Variants in RGS19 observed in about 807,000 individuals in gnomAD.
The protein encoded by RGS19 is G alpha interacting protein.
In RGS19, 9 loss-of-function variants were observed where a neutral mutation model predicts 22.0. The observed-to-expected ratio is 0.41, with a 90% confidence interval of 0.25 to 0.71. RGS19 has a LOEUF of 0.71. Ranked by LOEUF, RGS19 falls within the 30% of genes least tolerant of loss-of-function variation. The pLI is 0.32. For missense variants in RGS19, 256 were observed against 307.1 expected, an observed-to-expected ratio of 0.83 and a Z score of 1.24; for synonymous variants, 130 against 127.3, an observed-to-expected ratio of 1.02 and a Z score of -0.14.
rs1336840138 is a variant in RGS19 at position 64,075,204 on chromosome 20, C to T, written c.153-663G>A. ...GGGCCACCCTGCTCCTGGGCCTGAT[C>T]TTGGCCTGTCCCTGTCCCACCGATG... is the stretch of plus-strand genomic sequence containing the variant. On this transcript the variant is annotated intron_variant, in intron 3 of 5. Transcript: ENST00000395042. This position sits in a 1 kb window ranked among gnomAD's most constrained non-coding sequence, Gnocchi z 4.6. 6.6e-6 allele frequency among the ~76,000 whole-genome samples: 1 copy of T among 152,196 alleles called. No individual in the cohort carries two copies. The highest frequency in any genetic ancestry group is 1.5e-5 in the Non-Finnish European group (1 of 68,026).
chr20:64,078,590 G>C (rs77765533), intron 1 of RGS19, among the ~76,000 whole-genome samples: 3,795 of 152,306 alleles, frequency 0.025, 135 homozygotes, highest in African/African-American at 0.086. Flanking sequence ...GCAGGGCCGG[G>C]GTGCTAGGGG....
At chr20:64,078,067 C>T (rs985720754) in intron 1 of RGS19, among the ~76,000 whole-genome samples, 26 of 145,546 alleles carry the variant, frequency 1.8e-4, no homozygotes, top group African/African-American at 6.3e-4. Context: ...TCCCCTAGCT[C>T]GTGGCCTTTG....
Position 64,074,343 on chromosome 20 carries a change from G to A in RGS19, c.263C>T (p.Ala88Val), listed in dbSNP as rs1410325368. ...GTGCATCAGCTTGTCAAAAGACTGC[G>A]CCCAGCTCTGCACCTCCTCAGGACT... ...TPSPEEVQSW[A>V]QSFDKLMHSP... Residue 88 changes from alanine to valine, a missense_variant, in exon 5 of 6, where the codon GCG becomes GTG. Physicochemically the swap from Ala to Val is moderately conservative, Grantham distance 64. Coordinates refer to ENST00000395042, the MANE Select transcript of RGS19 (RefSeq NM_005873.3). 1 of 1,611,630 alleles carries A rather than the reference G, an allele frequency of 6.2e-7. No homozygotes were observed. The highest frequency in any genetic ancestry group is 8.5e-7 in the Non-Finnish European group (1 of 1,179,702).
intron 2 of RGS19, 40 bp downstream of exon 2, chr20:64,076,817 C>G (rs1206942380): frequency 1.3e-6 from 2 of 1,578,270 alleles, no homozygotes; most frequent in Admixed American, 2.0e-5. Context: ...CCCACCCCAT[C>G]TCCCCCAGGG....
intron 2 of RGS19, 65 bp from the exon 3 acceptor site, chr20:64,076,711 C>G: frequency 6.5e-7 from 1 of 1,530,000 alleles, no homozygotes. Flanking sequence ...ACCTCTCCCC[C>G]ACCTTCCCAT....
intron 3 of RGS19, among the ~76,000 whole-genome samples, 189 bp from the exon 4 acceptor site, chr20:64,074,730 C>CT (rs934853526): frequency 6.6e-6 from 1 of 152,360 alleles, no homozygotes; most frequent in African/African-American, 2.4e-5. Context: ...TTCCCACACT[C>CT]TCCCACACTC....
At chr20:64,078,112 C>T (rs1393272881) in intron 1 of RGS19, among the ~76,000 whole-genome samples, 7 of 152,246 alleles carry the variant, frequency 4.6e-5, no homozygotes, top group African/African-American at 1.7e-4. Context: ...TTCTCTTGGC[C>T]TCCTGGGACG....
In RGS19 at chr20:64,074,168, G is replaced by C; in HGVS notation, c.438C>G (p.Tyr146Ter). The C allele has an allele frequency of 6.2e-7, 1 of 1,613,966 alleles. No homozygotes were observed. The highest frequency in any genetic ancestry group is 8.5e-7 in the Non-Finnish European group (1 of 1,179,938). Reference protein sequence around the residue: ...DEKARLIYEDYVSILSPKEVS... With the variant: ...DEKARLIYED ...CCTCCTTGGGGGACAGGATGGATAC[G>C]TAGTCCTCGTAGATGAGCCTCGCCT... The change falls in exon 5 of 6, where the codon TAC (tyrosine) becomes TAG (stop). Residue 146 changes from tyrosine to a stop codon, truncating the protein, a stop_gained. Transcript: ENST00000395042. LOFTEE classifies it high-confidence loss of function.
At position 64,074,511 on chromosome 20, in the gene RGS19, G is replaced by C; in HGVS notation, c.183C>G (p.Ala61=). ...WNQERRRAWQ[A]SRESKLQPLP... is the part of the protein sequence containing the mutation. ...GGGGCTGCAGCTTGCTCTCCCGGGA[G>C]GCCTGCCACGCGCGCCGCCGCTCTT... The change falls in exon 4 of 6, where the codon GCC becomes GCG. Residue 61 remains alanine (A), a synonymous_variant. Transcript: ENST00000395042. The C allele has an allele frequency of 6.3e-7, 1 of 1,575,858 alleles. No individual in the cohort carries two copies. Among genetic ancestry groups the C allele is most frequent in the Non-Finnish European group, 8.6e-7 (1 of 1,161,750 alleles).
chr20:64,075,871 T>G lies in RGS19; in HGVS notation c.152+654A>C, dbSNP rs1168503736. Among the ~76,000 whole-genome samples, 1 of 128,586 alleles carries G rather than the reference T, an allele frequency of 7.8e-6. No homozygotes were observed. The highest frequency in any genetic ancestry group is 3.0e-5 in the African/African-American group (1 of 33,888). 84.4% of individuals were successfully genotyped at this position (128,586 alleles called of 152,430 possible). ...CACTGTATGGGGTCTGTGCCTGTCT[T>G]TCTTTCTTTCTTTCTTTTTTTTTTT... On this transcript the variant is annotated intron_variant, in intron 3 of 5. Coordinates refer to ENST00000395042, the MANE Select transcript of RGS19 (RefSeq NM_005873.3). The surrounding 1 kb of genome is among the most constrained non-coding windows in gnomAD (Gnocchi z 4.6).
rs927562028 is a variant in RGS19 at position 64,075,728 on chromosome 20, C to T, written c.152+797G>A. Among the ~76,000 whole-genome samples, 4 of 152,172 alleles carry T rather than the reference C, an allele frequency of 2.6e-5. No individual in the cohort carries two copies. The highest frequency in any genetic ancestry group is 4.1e-4 in the South Asian group (2 of 4,832). ...TCACAGGGATGCCCAGAGACGTCCCCGCCACCGCCCCCTGCTCTTCTTCCC... is the reference window on the plus strand; with the variant it reads ...TCACAGGGATGCCCAGAGACGTCCCTGCCACCGCCCCCTGCTCTTCTTCCC... On this transcript the variant is annotated intron_variant, in intron 3 of 5. Coordinates refer to ENST00000395042, the MANE Select transcript of RGS19 (RefSeq NM_005873.3). This position sits in a 1 kb window ranked among gnomAD's most constrained non-coding sequence, Gnocchi z 4.6.
At position 64,076,894 on chromosome 20, in the gene RGS19, C is replaced by T. The variant is rs529753313; in HGVS notation, c.-8G>A. ...CTCATGCGGGGTGGGCATGGGTGGG[C>T]GGAGGAGGTTGCCCAGGCTCCGTGG... On this transcript the variant is annotated 5_prime_UTR_variant, in exon 2 of 6. Transcript: ENST00000395042. 8 of 1,525,786 alleles carry T rather than the reference C, an allele frequency of 5.2e-6. No individual in the cohort carries two copies. The highest frequency in any genetic ancestry group is 1.4e-5 in the African/African-American group (1 of 70,762). 94.5% of individuals were successfully genotyped at this position (1,525,786 alleles called of 1,614,324 possible). A position where few individuals can be genotyped will look rare whatever the true frequency, so the allele number is the denominator to read the frequency against.
Position 64,073,993 on chromosome 20 carries a change from G to C in RGS19, c.514C>G (p.Pro172Ala), listed in dbSNP as rs2145533768. 6.2e-7 allele frequency: 1 copy of C among 1,613,624 alleles called. No homozygotes were observed. Among genetic ancestry groups the C allele is most frequent in the African/African-American group, 1.3e-5 (1 of 75,010 alleles). Residue 172 changes from proline (P) to alanine (A), a missense_variant, in exon 6 of 6, where the codon CCG becomes GCG. By Grantham distance (27) the Pro-to-Ala change is conservative. Coordinates refer to ENST00000395042, the MANE Select transcript of RGS19 (RefSeq NM_005873.3). ...GCGTCGTCGAACGTGTGTGCGGACG[G>C]CTCCTGCATCTTCTTGTTGATGCCC... ...REGINKKMQE[P>A]SAHTFDDAQL...
chr20:64,078,420 A>G (rs2059926575), intron 1 of RGS19, among the ~76,000 whole-genome samples: 2 of 152,130 alleles, frequency 1.3e-5, no homozygotes, highest in Admixed American at 6.5e-5. Flanking sequence ...TGGTAGCTGT[A>G]CCCAGACGGG....
At chr20:64,074,683 G>A (rs1327711053) in intron 3 of RGS19, 142 bp from the exon 4 acceptor site, 9 of 728,702 alleles carry the variant, frequency 1.2e-5, no homozygotes, top group African/African-American at 1.8e-5. Context: ...ACACACATGG[G>A]CACCCACTGC....
Position 64,074,163 on chromosome 20 carries a change from G to T in RGS19, c.443C>A (p.Ser148Tyr). 2 of 1,613,910 alleles carry T rather than the reference G, an allele frequency of 1.2e-6. No individual in the cohort carries two copies. The highest frequency in any genetic ancestry group is 1.7e-6 in the Non-Finnish European group (2 of 1,179,902). The change falls in exon 5 of 6, where the codon TCC becomes TAC. Residue 148 changes from serine to tyrosine, a missense_variant. Coordinates refer to ENST00000395042, the MANE Select transcript of RGS19 (RefSeq NM_005873.3). ...GCGCACCTCCTTGGGGGACAGGATG[G>T]ATACGTAGTCCTCGTAGATGAGCCT... ...KARLIYEDYV[S>Y]ILSPKEVSLD...
At chr20:64,076,809 C>A (rs1164997552) in intron 2 of RGS19, 48 bp downstream of exon 2, 20 of 1,574,406 alleles carry the variant, frequency 1.3e-5, no homozygotes, top group Non-Finnish European at 1.6e-5. Context: ...CAGCTTGCCC[C>A]ACCCCATCTC....
rs757112456 is a variant in RGS19 at position 64,073,753 on chromosome 20, C to A, written c.*100G>T. 9.1e-7 allele frequency: 1 copy of A among 1,098,152 alleles called. No individual in the cohort carries two copies. The highest frequency in any genetic ancestry group is 1.3e-6 in the Non-Finnish European group (1 of 773,774). The allele number at this position is 1,098,152 out of a possible 1,614,324, so 68.0% of individuals were successfully genotyped here. A position where few individuals can be genotyped will look rare whatever the true frequency, so the allele number is the denominator to read the frequency against. On this transcript the variant is annotated 3_prime_UTR_variant, in exon 6 of 6. Transcript: ENST00000395042. ...CGTCTCCGCGGGTGGGGACCCCAGC[C>A]GGCCAGGCATGTGCCCTGACAGCCC... is the stretch of plus-strand genomic sequence containing the variant.
At position 64,073,360 on chromosome 20, in the gene RGS19, T is replaced by A. The variant is rs1128674; in HGVS notation, c.*493A>T. The A allele has an allele frequency of 2.0e-5, 3 of 153,508 alleles. No individual in the cohort carries two copies. Among genetic ancestry groups the A allele is most frequent in the Non-Finnish European group, 4.3e-5 (3 of 69,070 alleles). 9.5% of individuals were successfully genotyped at this position (153,508 alleles called of 1,614,324 possible). A position where few individuals can be genotyped will look rare whatever the true frequency, so the allele number is the denominator to read the frequency against. On this transcript the variant is annotated 3_prime_UTR_variant, in exon 6 of 6. Coordinates refer to ENST00000395042, the MANE Select transcript of RGS19 (RefSeq NM_005873.3). ...CCACCTTGAGTGCAGGATTCTGAGGTCCTAAATCTGGTTCTGAGGTTCTGT... is the reference window on the plus strand; with the variant it reads ...CCACCTTGAGTGCAGGATTCTGAGGACCTAAATCTGGTTCTGAGGTTCTGT...
Sources: gnomAD v4.1 joint callset for allele counts (sites outside exome capture counted in the v4.1 genomes callset) on GRCh38, gnomAD v4.1.1 for gene constraint, Gnocchi (gnomAD v3.1) non-coding constraint, MANE v1.5 for transcripts, NCBI Gene and HGNC (gene_info 2026-07-23, HGNC 2026-07-21) for gene names.